CBX8: variants seen among roughly 807,000 people sequenced by gnomAD.
CBX8 encodes chromobox protein homolog 8.
Under a neutral mutation model 39.7 loss-of-function variants are expected in CBX8, and 8 were observed. The observed-to-expected ratio is 0.20, with a 90% CI of 0.12 to 0.36. The LOEUF (loss-of-function observed/expected upper bound fraction) is 0.36. Ranked by LOEUF, CBX8 falls within the 10% of genes least tolerant of loss-of-function variation. The pLI, the probability that CBX8 is intolerant of heterozygous loss-of-function variation, is 1.00. For synonymous variants in CBX8, 268 were observed against 219.8 expected, an observed-to-expected ratio of 1.22 and a Z score of -1.94; for missense variants, 505 against 529.6, an observed-to-expected ratio of 0.95 and a Z score of 0.46.
At position 79,794,581 on chromosome 17, in the gene CBX8, A is replaced by G. The variant is rs996460192; in HGVS notation, c.*54T>C. Reference sequence around the variant, plus strand: ...ACCCAGAAATAAAAATCACTATGCCAAGCTCACGCTCACTCTCTCCCCTGC... The same window carrying G: ...ACCCAGAAATAAAAATCACTATGCCGAGCTCACGCTCACTCTCTCCCCTGC... On this transcript the variant is annotated 3_prime_UTR_variant, in exon 5 of 5. Transcript: ENST00000269385. 1 of 1,363,682 alleles carries G rather than the reference A, an allele frequency of 7.3e-7. No homozygotes were observed. Among genetic ancestry groups the G allele is most frequent in the African/African-American group, 1.5e-5 (1 of 68,670 alleles). The allele number at this position is 1,363,682 out of a possible 1,614,324, so 84.5% of individuals were successfully genotyped here.
Position 79,794,541 on chromosome 17 carries a change from A to T in CBX8, c.*94T>A. On this transcript the variant is annotated 3_prime_UTR_variant, in exon 5 of 5. Coordinates refer to ENST00000269385, the MANE Select transcript of CBX8 (RefSeq NM_020649.3). Reference sequence around the variant, plus strand: ...GGTGACATCAGGGACGGGACCAGCCAAAAGGCCACATCCCACCCAGAAATA... The same window carrying T: ...GGTGACATCAGGGACGGGACCAGCCTAAAGGCCACATCCCACCCAGAAATA... The T allele has an allele frequency of 2.0e-6, 2 of 1,004,658 alleles. No homozygotes were observed. Among genetic ancestry groups the T allele is most frequent in the Non-Finnish European group, 2.9e-6 (2 of 684,990 alleles). The allele number at this position is 1,004,658 out of a possible 1,614,324, so 62.2% of individuals were successfully genotyped here. A position where few individuals can be genotyped will look rare whatever the true frequency, so the allele number is the denominator to read the frequency against.
In CBX8 at chr17:79,794,990, G is replaced by C. The variant is rs759359140; in HGVS notation, c.815C>G (p.Thr272Arg). The C allele has an allele frequency of 4.4e-6, 7 of 1,605,528 alleles. No homozygotes were observed. In the South Asian group the frequency reaches 5.6e-5, roughly 13 times the overall value. ...GAAGGTGTCCACAGCCAGTTTGCCC[G>C]TGGCCTCAGCTGAGCTAGGGCTGGT... ...GVTSPSSAEA[T>R]GKLAVDTFPA... Residue 272 changes from threonine (T) to arginine (R), a missense_variant, in exon 5 of 5, where the codon ACG becomes AGG. By Grantham distance (71) the Thr-to-Arg change is moderately conservative. Transcript: ENST00000269385.
rs1320081476 is a variant in CBX8 at position 79,795,923 on chromosome 17, T to C, written c.246+134A>G. 3.7e-6 allele frequency: 3 copies of C among 810,356 alleles called. No individual in the cohort carries two copies. Among genetic ancestry groups the C allele is most frequent in the Non-Finnish European group, 4.1e-6 (2 of 484,500 alleles). The allele number at this position is 810,356 out of a possible 1,614,324, so 50.2% of individuals were successfully genotyped here. A position where few individuals can be genotyped will look rare whatever the true frequency, so the allele number is the denominator to read the frequency against. ...GTGCTGCTACTGACTTGGTGACATC[T>C]TGTCAGGGAACTCCCTCCTACATTA... On this transcript the variant is annotated intron_variant, in intron 4 of 4. Coordinates refer to ENST00000269385, the MANE Select transcript of CBX8 (RefSeq NM_020649.3). The surrounding 1 kb of genome is among the most constrained non-coding windows in gnomAD (Gnocchi z 5.8).
intron 3 of CBX8, 50 bp from the exon 4 acceptor site, chr17:79,796,173 GGGAC>G (rs1448232064): frequency 1.2e-6 from 2 of 1,611,822 alleles, no homozygotes; most frequent in Non-Finnish European, 8.5e-7. Context: ...GAAAGCAAGT[GGGAC>G]TCTAGTCCAG....
rs1316094371 is a variant in CBX8 at position 79,796,532 on chromosome 17, C to T, written c.78G>A (p.Met26Ile). 1.3e-5 allele frequency: 21 copies of T among 1,614,100 alleles called. No individual in the cohort carries two copies. The East Asian group carries it at 4.7e-4, about 36-fold the overall frequency. ...ATCCCTTCCATTTCACGAGGTATTC[C>T]ATGCGTCCCTGCGGGTGCAAAGGCG... is the stretch of plus-strand genomic sequence containing the variant. Reference protein sequence around the residue: ...LLKRRIRKGRMEYLVKWKGWS... With the variant: ...LLKRRIRKGRIEYLVKWKGWS... The change falls in exon 2 of 5, where the codon ATG (methionine) becomes ATA (isoleucine). Residue 26 changes from methionine to isoleucine, a missense_variant. By Grantham distance (10) the Met-to-Ile change is conservative. Coordinates refer to ENST00000269385, the MANE Select transcript of CBX8 (RefSeq NM_020649.3).
At chr17:79,796,626 A>T in intron 1 of CBX8, 86 bp from the exon 2 acceptor site, 2 of 1,464,772 alleles carry the variant, frequency 1.4e-6, no homozygotes, top group South Asian at 1.1e-5. Context: ...TGCATGCACC[A>T]GATGAATGCT....
chr17:79,795,569 GA>G lies in CBX8; in HGVS notation c.247-12del. 1 of 1,504,914 alleles carries G rather than the reference GA, an allele frequency of 6.6e-7. No individual in the cohort carries two copies. 93.2% of individuals were successfully genotyped at this position (1,504,914 alleles called of 1,614,324 possible). ...TGCCTTGGCCTGCGCCTGCAGGAGA[GA>G]AGATGGTCTCAAGAGTGGGGCAGGG... is the stretch of plus-strand genomic sequence containing the variant. On this transcript the variant is annotated splice_polypyrimidine_tract_variant and intron_variant, in intron 4 of 4. Transcript: ENST00000269385. This position sits in a 1 kb window ranked among gnomAD's most constrained non-coding sequence, Gnocchi z 5.8.
Position 79,794,531 on chromosome 17 carries a change from G to A in CBX8, c.*104C>T, listed in dbSNP as rs375581817. 28 of 839,130 alleles carry A rather than the reference G, an allele frequency of 3.3e-5. No individual in the cohort carries two copies. Among genetic ancestry groups the A allele is most frequent in the Admixed American group, 2.4e-4 (9 of 37,150 alleles). 52.0% of individuals were successfully genotyped at this position (839,130 alleles called of 1,614,324 possible). ...GTGGGGTGGGGGTGACATCAGGGAC[G>A]GGACCAGCCAAAAGGCCACATCCCA... On this transcript the variant is annotated 3_prime_UTR_variant, in exon 5 of 5. Coordinates refer to ENST00000269385, the MANE Select transcript of CBX8 (RefSeq NM_020649.3).
rs1264840598 is a variant in CBX8 at position 79,795,813 on chromosome 17, T to C, written c.246+244A>G. ...GTAGTCATTTGCAAAAAGTACACTTTTTGCATTTGATTATTGTGTCCATTT... is the reference window on the plus strand; with the variant it reads ...GTAGTCATTTGCAAAAAGTACACTTCTTGCATTTGATTATTGTGTCCATTT... On this transcript the variant is annotated intron_variant, in intron 4 of 4. Coordinates refer to ENST00000269385, the MANE Select transcript of CBX8 (RefSeq NM_020649.3). The surrounding 1 kb of genome is among the most constrained non-coding windows in gnomAD (Gnocchi z 5.8). Among the ~76,000 whole-genome samples the C allele has an allele frequency of 6.6e-6, 1 of 152,126 alleles. No homozygotes were observed. The highest frequency in any genetic ancestry group is 1.5e-5 in the Non-Finnish European group (1 of 68,024).
rs1276296837 is a variant in CBX8, at chr17:79,795,273, G to C, written c.532C>G (p.Arg178Gly). The change falls in exon 5 of 5, where the codon CGA (arginine) becomes GGA (glycine). Residue 178 changes from arginine to glycine, a missense_variant. Transcript: ENST00000269385. This position sits in a 1 kb window ranked among gnomAD's most constrained non-coding sequence, Gnocchi z 5.8. ...TCCACTCTGCTGGTACCCCGCTCTC[G>C]TTCCCTCTCACGTTCCCGCTCCCTC... ...RERERERERE[R>G]ERGTSRVDDK... 3.7e-6 allele frequency: 6 copies of C among 1,607,658 alleles called. No individual in the cohort carries two copies. The South Asian group carries it at 4.5e-5, about 12-fold the overall frequency.
chr17:79,797,006 CGCCGCTTCCCCCCTTG>C lies in CBX8; in HGVS notation c.-24_-9del. On this transcript the variant is annotated 5_prime_UTR_variant, in exon 1 of 5. Transcript: ENST00000269385. ...CACCGCTGAAAGCTCCATGTTGACT[CGCCGCTTCCCCCCTTG>C]GCCGCTTCCAGGAGCAGAAAAGCAG... is the stretch of plus-strand genomic sequence containing the variant. The C allele has an allele frequency of 2.5e-6, 4 of 1,607,932 alleles. No homozygotes were observed. The highest frequency in any genetic ancestry group is 3.4e-6 in the Non-Finnish European group (4 of 1,177,856).
At chr17:79,796,188 G>A (rs1908082521) in intron 3 of CBX8, 62 bp downstream of exon 3, 2 of 1,612,070 alleles carry the variant, frequency 1.2e-6, no homozygotes, top group Non-Finnish European at 1.7e-6. Flanking sequence ...TCTAGTCCAG[G>A]CTGGAAAGAA....
At chr17:79,796,161 A>C (rs1291662717) in intron 3 of CBX8, 38 bp from the exon 4 acceptor site, 1 of 1,613,136 alleles carries the variant, frequency 6.2e-7, no homozygotes, top group East Asian at 2.2e-5. Context: ...TGCGTGAGTA[A>C]AGAAAGCAAG....
In CBX8 at chr17:79,795,598, C is replaced by G; in HGVS notation, c.247-40G>C. Reference sequence around the variant, plus strand: ...ATGGTCTCAAGAGTGGGGCAGGGCCCTGTCCACCCCCACAGGACTCCTCCT... The same window carrying G: ...ATGGTCTCAAGAGTGGGGCAGGGCCGTGTCCACCCCCACAGGACTCCTCCT... On this transcript the variant is annotated intron_variant, in intron 4 of 4. Coordinates refer to ENST00000269385, the MANE Select transcript of CBX8 (RefSeq NM_020649.3). The surrounding 1 kb of genome is among the most constrained non-coding windows in gnomAD (Gnocchi z 5.8). 1 of 1,447,986 alleles carries G rather than the reference C, an allele frequency of 6.9e-7. No homozygotes were observed. 89.7% of individuals were successfully genotyped at this position (1,447,986 alleles called of 1,614,324 possible). A position where few individuals can be genotyped will look rare whatever the true frequency, so the allele number is the denominator to read the frequency against.
At chr17:79,796,155 T>G in intron 3 of CBX8, 32 bp from the exon 4 acceptor site, 1 of 1,613,296 alleles carries the variant, frequency 6.2e-7, no homozygotes, top group Non-Finnish European at 8.5e-7. Flanking sequence ...AAAGGGTGCG[T>G]GAGTAAAGAA....
In CBX8 at chr17:79,794,757, A is replaced by G. The variant is rs771362834; in HGVS notation, c.1048T>C (p.Ser350Pro). ...ARILGDPEEE[S>P]WSPSLTNLEK... ...AGGTTAGTCAGGGAGGGGCTCCAGGACTCTTCCTCCGGGTCCCCCAGGATT... is the reference window on the plus strand; with the variant it reads ...AGGTTAGTCAGGGAGGGGCTCCAGGGCTCTTCCTCCGGGTCCCCCAGGATT... The change falls in exon 5 of 5, where the codon TCC (serine) becomes CCC (proline). Residue 350 changes from serine to proline, a missense_variant. Physicochemically the swap from Ser to Pro is moderately conservative, Grantham distance 74 (BLOSUM62 -1). Coordinates refer to ENST00000269385, the MANE Select transcript of CBX8 (RefSeq NM_020649.3). The G allele has an allele frequency of 5.6e-6, 9 of 1,612,038 alleles. No individual in the cohort carries two copies. In the South Asian group the frequency reaches 9.9e-5, roughly 18 times the overall value.
chr17:79,794,834 A>G lies in CBX8; in HGVS notation c.971T>C (p.Met324Thr), dbSNP rs373434731. 1.2e-6 allele frequency: 2 copies of G among 1,609,336 alleles called. No individual in the cohort carries two copies. The highest frequency in any genetic ancestry group is 2.7e-5 in the African/African-American group (2 of 74,574). Residue 324 changes from methionine to threonine, a missense_variant, in exon 5 of 5, where the codon ATG becomes ACG. Met to Thr is a moderately conservative substitution (Grantham distance 81). Coordinates refer to ENST00000269385, the MANE Select transcript of CBX8 (RefSeq NM_020649.3). Reference sequence around the variant, plus strand: ...GGAGGGCCTTCCCCCCTGGGCCCCCATGTCCCGGTACAGGCCCCCCCCAGA... The same window carrying G: ...GGAGGGCCTTCCCCCCTGGGCCCCCGTGTCCCGGTACAGGCCCCCCCCAGA... ...PSSGGGLYRD[M>T]GAQGGRPSLI... is the part of the protein sequence containing the mutation.
In CBX8 at chr17:79,795,482, C is replaced by T; in HGVS notation, c.323G>A (p.Gly108Asp). ...GGAGGCCAGGTCCTGGGGCGAGCGG[C>T]CAGGGTAGGGGATCCGGATGCCCCT... ...SARGIRIPYP[G>D]RSPQDLASTS... The change falls in exon 5 of 5, where the codon GGC becomes GAC. Residue 108 changes from glycine (G) to aspartate (D), a missense_variant. Gly to Asp is a moderately conservative substitution (Grantham distance 94). Transcript: ENST00000269385. This position sits in a 1 kb window ranked among gnomAD's most constrained non-coding sequence, Gnocchi z 5.8. 3 of 1,589,894 alleles carry T rather than the reference C, an allele frequency of 1.9e-6. No individual in the cohort carries two copies. Among genetic ancestry groups the T allele is most frequent in the Non-Finnish European group, 2.6e-6 (3 of 1,168,284 alleles).
At position 79,794,924 on chromosome 17, in the gene CBX8, G is replaced by C. The variant is rs1908011966; in HGVS notation, c.881C>G (p.Ala294Gly). The change falls in exon 5 of 5, where the codon GCC becomes GGC. Residue 294 changes from alanine (A) to glycine (G), a missense_variant. Ala to Gly is a moderately conservative substitution (Grantham distance 60). Coordinates refer to ENST00000269385, the MANE Select transcript of CBX8 (RefSeq NM_020649.3). ...GGGATCTAGGGCACCCTGGCCTTTG[G>C]CCTCCAGGAAGGCAGCCCTGTGCTT... ...VIKHRAAFLE[A>G]KGQGALDPNG... 6.2e-7 allele frequency: 1 copy of C among 1,608,744 alleles called. No individual in the cohort carries two copies. The highest frequency in any genetic ancestry group is 1.3e-5 in the African/African-American group (1 of 74,830).
Sources: gnomAD v4.1 joint callset for allele counts (sites outside exome capture counted in the v4.1 genomes callset) on GRCh38, gnomAD v4.1.1 for gene constraint, Gnocchi (gnomAD v3.1) non-coding constraint, MANE v1.5 for transcripts, NCBI Gene and HGNC (gene_info 2026-07-23, HGNC 2026-07-21) for gene names.